The following KAT14 variants were observed in gnomAD, a reference collection of about 807,000 sequenced individuals.
The protein encoded by KAT14 is lysine acetyltransferase 14, also known as cysteine-rich protein 2-binding protein.
KAT14 carries 66 observed loss-of-function variants against 78.4 expected under a neutral mutation model. The observed-to-expected ratio is 0.84, with a 90% CI of 0.69 to 1.03. KAT14 has a LOEUF of 1.03. Among genes scored for constraint, KAT14 ranks in the 50% least tolerant of loss-of-function variants. The probability of loss-of-function intolerance (pLI) is 0.00; values close to 1 mark genes in which losing one functional copy is unlikely to be tolerated. For missense variants in KAT14, 870 were observed against 972.5 expected (o/e 0.89, Z 1.40); for synonymous variants, 344 against 359.4 (o/e 0.96, Z 0.48).
At chr20:18,160,101 A>T (rs536210228) in intron 5 of KAT14, among the ~76,000 whole-genome samples, 97 of 152,272 alleles carry the variant, frequency 6.4e-4, no homozygotes, top group African/African-American at 2.0e-3. Context: ...GGGTTTTGCC[A>T]TGTTGGCCAG....
intron 7 of KAT14, among the ~76,000 whole-genome samples, chr20:18,177,218 T>TGA (rs1230874504): frequency 6.6e-6 from 1 of 152,202 alleles, no homozygotes; most frequent in African/African-American, 2.4e-5. Flanking sequence ...TGCATTAACC[T>TGA]GAGAGCTAGT....
At chr20:18,138,680 G>A (rs1386261611) in intron 1 of KAT14, among the ~76,000 whole-genome samples, 1 of 152,166 alleles carries the variant, frequency 6.6e-6, no homozygotes, top group African/African-American at 2.4e-5. Flanking sequence ...GAACGATAGA[G>A]ATAACAGTCT....
chr20:18,138,213 C>T (rs1230659963), intron 1 of KAT14, 162 bp downstream of exon 1: 2 of 1,265,588 alleles, frequency 1.6e-6, no homozygotes, highest in Admixed American at 4.3e-5. Context: ...CCGGCGGCCG[C>T]TCTGCTGGGC....
At position 18,183,227 on chromosome 20, in the gene KAT14, T is replaced by C. The variant is rs368910170; in HGVS notation, c.1910T>C (p.Leu637Pro). 13 of 1,614,108 alleles carry C rather than the reference T, an allele frequency of 8.1e-6. No homozygotes were observed. The highest frequency in any genetic ancestry group is 1.1e-5 in the Non-Finnish European group (13 of 1,180,018). ...TGGACGCCGGAGCCCGACGCACCTC[T>C]CGATTACTGTTATGTGCGGCCAAAT... ...PHWTPEPDAP[L>P]DYCYVRPNHI... The change falls in exon 9 of 11, where the codon CTC becomes CCC. Residue 637 changes from leucine to proline, a missense_variant. Leu to Pro is a moderately conservative substitution (Grantham distance 98). Coordinates refer to ENST00000688188, the MANE Select transcript of KAT14 (RefSeq NM_001392073.1).
At chr20:18,174,674 T>TA (rs1355505785) in intron 7 of KAT14, among the ~76,000 whole-genome samples, 37 of 151,892 alleles carry the variant, frequency 2.4e-4, no homozygotes, top group East Asian at 7.7e-4. Context: ...TTTTTATTTT[T>TA]TTTTTTGAGG....
intron 7 of KAT14, among the ~76,000 whole-genome samples, chr20:18,169,667 A>G (rs1046466970): frequency 1.4e-4 from 22 of 152,358 alleles, no homozygotes; most frequent in African/African-American, 4.6e-4. Flanking sequence ...TTAACCCTAC[A>G]ATGGCTTTTA....
intron 4 of KAT14, among the ~76,000 whole-genome samples, chr20:18,154,967 A>T (rs2146395734): frequency 6.6e-6 from 1 of 152,374 alleles, no homozygotes; most frequent in Admixed American, 6.5e-5. Flanking sequence ...TTCAGTAATA[A>T]CTAAGTTTTC....
chr20:18,165,127 C>G (rs111484652), intron 7 of KAT14, among the ~76,000 whole-genome samples: 10 of 152,296 alleles, frequency 6.6e-5, no homozygotes, highest in African/African-American at 2.4e-4. Context: ...TGTGTACTTT[C>G]TGTTCCCCTC....
At chr20:18,163,086 A>G in intron 7 of KAT14, 141 bp downstream of exon 7, 1 of 1,111,476 alleles carries the variant, frequency 9.0e-7, no homozygotes, top group Non-Finnish European at 1.3e-6. Flanking sequence ...GCAAGGGAAA[A>G]AAATACAAAA....
At chr20:18,184,914 CA>C (rs1179685061) in intron 10 of KAT14, 122 bp downstream of exon 10, 44 of 1,080,664 alleles carry the variant, frequency 4.1e-5, no homozygotes, top group Non-Finnish European at 5.0e-5. Flanking sequence ...CCTTGTAAAC[CA>C]AGTGAAGAAA....
At chr20:18,137,364 C>T (rs1395841329), upstream of KAT14, among the ~76,000 whole-genome samples, 3 of 152,168 alleles carry the variant, frequency 2.0e-5, no homozygotes, top group East Asian at 5.8e-4. Context: ...AACCAGGTGA[C>T]CGCGACTACA....
intron 1 of KAT14, among the ~76,000 whole-genome samples, chr20:18,139,652 G>GTGTGTA (rs1440505916): frequency 6.9e-6 from 1 of 144,292 alleles, no homozygotes; most frequent in Non-Finnish European, 1.5e-5. Context: ...GTGTGTGTGT[G>GTGTGTA]TGTGTGTGTG....
chr20:18,166,830 C>G (rs571017322), intron 7 of KAT14, among the ~76,000 whole-genome samples: 2 of 152,326 alleles, frequency 1.3e-5, no homozygotes, highest in East Asian at 3.9e-4. Context: ...ACTGAAAAGA[C>G]CCTCATTAAG....
intron 2 of KAT14, 62 bp downstream of exon 2, chr20:18,142,981 C>T: frequency 6.3e-7 from 1 of 1,582,406 alleles, no homozygotes; most frequent in African/African-American, 1.3e-5. Context: ...TTTTTCCAAC[C>T]TGTGAAAGAA....
intron 7 of KAT14, among the ~76,000 whole-genome samples, chr20:18,165,220 TA>T (rs35693023): frequency 0.33 from 49,758 of 151,966 alleles, 9,310 homozygotes; most frequent in Non-Finnish European, 0.42. Context: ...ACTTTTCGTT[TA>T]AAAAAATACT....
intron 4 of KAT14, among the ~76,000 whole-genome samples, chr20:18,151,795 G>A (rs1247426230): frequency 6.6e-6 from 1 of 151,626 alleles, no homozygotes; most frequent in Non-Finnish European, 1.5e-5. Context: ...CCTGAGGTCA[G>A]GAGTTCAAGA....
At chr20:18,143,614 A>G (rs887704161) in intron 2 of KAT14, among the ~76,000 whole-genome samples, 4 of 82,816 alleles carry the variant, frequency 4.8e-5, no homozygotes, top group African/African-American at 1.3e-4. Flanking sequence ...ACACCTGGCT[A>G]ATTTTTTTTT....
chr20:18,153,108 T>TCACTTCAGACACTG (rs2038106937), intron 4 of KAT14, among the ~76,000 whole-genome samples: 1 of 152,204 alleles, frequency 6.6e-6, no homozygotes, highest in South Asian at 2.1e-4. Context: ...AAGTCTTTGA[T>TCACTTCAGACACTG]CACTTCAGGT....
At chr20:18,147,579 T>A (rs535673292) in intron 3 of KAT14, among the ~76,000 whole-genome samples, 11 of 152,098 alleles carry the variant, frequency 7.2e-5, no homozygotes, top group African/African-American at 2.2e-4. Flanking sequence ...TTATTCTTTT[T>A]AAAAAAAAAT....
Sources: allele counts gnomAD v4.1 joint callset (sites outside exome capture counted in the v4.1 genomes callset), GRCh38; gene constraint gnomAD v4.1.1; transcripts MANE v1.5; gene names NCBI Gene and HGNC (gene_info 2026-07-23, HGNC 2026-07-21).